LSM12: variants seen among roughly 807,000 people sequenced by gnomAD.
LSM12 encodes protein LSM12.
For synonymous variants in LSM12, 74 were observed against 87.3 expected, an observed-to-expected ratio of 0.85 and a Z score of 0.85; for missense variants, 108 against 238.9, an observed-to-expected ratio of 0.45 and a Z score of 3.61.
intron 2 of LSM12, among the ~76,000 whole-genome samples, chr17:44,053,152 T>C (rs2049668674): frequency 6.6e-6 from 1 of 152,136 alleles, no homozygotes; most frequent in Non-Finnish European, 1.5e-5. Context: ...CTGAAGTGTC[T>C]TCCCTAAAAT....
intron 2 of LSM12, among the ~76,000 whole-genome samples, chr17:44,051,827 G>A (rs1389235876): frequency 1.3e-5 from 2 of 151,966 alleles, no homozygotes; most frequent in African/African-American, 2.4e-5. Flanking sequence ...AAAATGTTAG[G>A]GCAGGCACAG....
chr17:44,061,388 G>A (rs1425194894), intron 2 of LSM12, among the ~76,000 whole-genome samples: 1 of 149,746 alleles, frequency 6.7e-6, no homozygotes, highest in African/African-American at 2.5e-5. Flanking sequence ...GCTTATAGAA[G>A]ACACTCAAAG....
rs556788113 is a variant in LSM12, at chr17:44,062,018, G to A, written c.258+1783C>T. 2.6e-5 allele frequency among the ~76,000 whole-genome samples: 4 copies of A among 152,016 alleles called. No individual in the cohort carries two copies. In the South Asian group the frequency reaches 6.2e-4, roughly 24 times the overall value. On this transcript the variant is annotated intron_variant, in intron 2 of 4. Coordinates refer to ENST00000293406, the MANE Select transcript of LSM12 (RefSeq NM_001371445.1). The stretch of plus-strand genomic sequence containing the variant: ...GGGCGGATCACAAAGTCAGGAGATC[G>A]AGACCGTCCTGGCTAACACAGTGAA...
At chr17:44,051,389 C>CA (rs57974319) in intron 2 of LSM12, among the ~76,000 whole-genome samples, 2,505 of 114,762 alleles carry the variant, frequency 0.022, 112 homozygotes, top group African/African-American at 0.053. Flanking sequence ...GACTCCGTCT[C>CA]AAAAAAAAAA....
chr17:44,055,385 G>C (rs72822650), intron 2 of LSM12, among the ~76,000 whole-genome samples: 22,048 of 151,448 alleles, frequency 0.15, 2,888 homozygotes, highest in East Asian at 0.73. Flanking sequence ...CAAAGGGCCA[G>C]GCACAGTGGC....
chr17:44,059,758 C>T (rs1205795956), intron 2 of LSM12, among the ~76,000 whole-genome samples: 1 of 150,430 alleles, frequency 6.6e-6, no homozygotes, highest in Non-Finnish European at 1.5e-5. Context: ...CCTTCTCTTC[C>T]ATTTCCTGCT....
chr17:44,059,130 C>T (rs1169750965), intron 2 of LSM12, among the ~76,000 whole-genome samples: 1 of 152,114 alleles, frequency 6.6e-6, no homozygotes, highest in Admixed American at 6.6e-5. Context: ...GATCATGCCA[C>T]TGCACTCTAG....
intron 2 of LSM12, among the ~76,000 whole-genome samples, chr17:44,048,407 G>A (rs572638709): frequency 3.3e-5 from 5 of 151,434 alleles, no homozygotes; most frequent in East Asian, 1.9e-4. Flanking sequence ...GCTTGAACCC[G>A]GGAGGCGGAG....
At chr17:44,041,328 C>A (rs79922724) in intron 2 of LSM12, among the ~76,000 whole-genome samples, 2,366 of 133,374 alleles carry the variant, frequency 0.018, 39 homozygotes, top group African/African-American at 0.045. Flanking sequence ...CACACACACA[C>A]ACACAAACAC....
chr17:44,056,306 A>C (rs2049713531), intron 2 of LSM12, among the ~76,000 whole-genome samples: 1 of 151,114 alleles, frequency 6.6e-6, no homozygotes, highest in Admixed American at 6.6e-5. Context: ...AAAAAAAAAA[A>C]AAAAAAGTGA....
rs1352840386 is a variant in LSM12 at position 44,062,711 on chromosome 17, ACCCCATCT to A, written c.258+1082_258+1089del. On this transcript the variant is annotated intron_variant, in intron 2 of 4. Transcript: ENST00000293406. ...AGATCAGCCTGGCCAGCATGGTGAA[ACCCCATCT>A]CTACTAATAATACAAAAATTGAGCC... is the stretch of plus-strand genomic sequence containing the variant. Among the ~76,000 whole-genome samples, 6 of 152,036 alleles carry A rather than the reference ACCCCATCT, an allele frequency of 3.9e-5. No homozygotes were observed. The East Asian group carries it at 1.2e-3, about 29-fold the overall frequency.
At chr17:44,064,182 G>A (rs2049837462) in intron 1 of LSM12, among the ~76,000 whole-genome samples, 1 of 152,162 alleles carries the variant, frequency 6.6e-6, no homozygotes, top group Admixed American at 6.6e-5. Flanking sequence ...GAGGCATAAT[G>A]CAGATTTAAT....
intron 2 of LSM12, among the ~76,000 whole-genome samples, chr17:44,062,844 G>A (rs1327574345): frequency 6.6e-6 from 1 of 151,480 alleles, no homozygotes; most frequent in Non-Finnish European, 1.5e-5. Flanking sequence ...GCAACAGAAT[G>A]AAACCCCGTC....
chr17:44,054,916 G>A (rs2049691702), intron 2 of LSM12, among the ~76,000 whole-genome samples: 1 of 151,234 alleles, frequency 6.6e-6, no homozygotes, highest in Non-Finnish European at 1.5e-5. Context: ...TCGGCTCACT[G>A]CAACCTCTGC....
chr17:44,054,111 T>C (rs1215278665), intron 2 of LSM12, among the ~76,000 whole-genome samples: 1 of 152,134 alleles, frequency 6.6e-6, no homozygotes, highest in African/African-American at 2.4e-5. Context: ...CCCACTTCCA[T>C]GTCCTATAAG....
At chr17:44,039,472 C>A (rs1440501244) in intron 3 of LSM12, among the ~76,000 whole-genome samples, 1 of 148,406 alleles carries the variant, frequency 6.7e-6, no homozygotes, top group Non-Finnish European at 1.5e-5. Context: ...AGCTCCGCCT[C>A]CCGGGTTCAC....
At chr17:44,063,012 T>G (rs1321398362) in intron 2 of LSM12, among the ~76,000 whole-genome samples, 1 of 151,566 alleles carries the variant, frequency 6.6e-6, no homozygotes, top group Non-Finnish European at 1.5e-5. Flanking sequence ...GAGGTTACAG[T>G]GAGCCGAGAT....
rs773371633 is a variant in LSM12, at chr17:44,054,983, C to T, written c.258+8818G>A. Among the ~76,000 whole-genome samples, 3 of 152,020 alleles carry T rather than the reference C, an allele frequency of 2.0e-5. No homozygotes were observed. The East Asian group carries it at 5.8e-4, about 30-fold the overall frequency. The stretch of plus-strand genomic sequence containing the variant: ...CCTCCCAAGCAGCTGGGACTACAGG[C>T]GTGTGCCACCACGCCCGGCTAATTT... On this transcript the variant is annotated intron_variant, in intron 2 of 4. Coordinates refer to ENST00000293406, the MANE Select transcript of LSM12 (RefSeq NM_001371445.1).
At chr17:44,057,468 T>A (rs1163637741) in intron 2 of LSM12, among the ~76,000 whole-genome samples, 1 of 149,984 alleles carries the variant, frequency 6.7e-6, no homozygotes, top group African/African-American at 2.4e-5. Flanking sequence ...CTTAAAAAAA[T>A]AAATAATAAT....
Sources: gnomAD v4.1 joint callset for allele counts (sites outside exome capture counted in the v4.1 genomes callset) on GRCh38, gnomAD v4.1.1 for gene constraint, MANE v1.5 for transcripts, NCBI Gene and HGNC (gene_info 2026-07-23, HGNC 2026-07-21) for gene names.